The following ATPAF1 variants were observed in gnomAD, a reference collection of about 807,000 sequenced individuals.
ATPAF1 encodes the protein ATP synthase mitochondrial F1 complex assembly factor 1.
In ATPAF1, 26 loss-of-function variants were observed where a neutral mutation model predicts 43.9. The ratio of observed to expected loss-of-function variants is 0.59; its 90% CI spans 0.43 to 0.82. ATPAF1 has a LOEUF of 0.82. Among genes scored for constraint, ATPAF1 ranks in the 40% least tolerant of loss-of-function variants. The pLI is 0.00. For missense variants in ATPAF1, 366 were observed against 435.0 expected (o/e 0.84, Z 1.41); for synonymous variants, 157 against 168.0 (o/e 0.93, Z 0.50).
rs191020514 is a variant in ATPAF1 at position 46,664,379 on chromosome 1, T to C, written c.375+877A>G. On this transcript the variant is annotated intron_variant, in intron 2 of 8. Coordinates refer to ENST00000574428, the Ensembl canonical transcript of ATPAF1. ...AAACTGAGGCATGGAGAAGTAACAA[T>C]TTGCTCAGAGTCACCCAGCTAGTAA... Among the ~76,000 whole-genome samples, 5 of 152,342 alleles carry C rather than the reference T, an allele frequency of 3.3e-5. No homozygotes were observed. The East Asian group carries it at 9.6e-4, about 29-fold the overall frequency.
chr1:46,650,363 GAAA>G (rs60817653), intron 6 of ATPAF1, among the ~76,000 whole-genome samples: 1 of 139,136 alleles, frequency 7.2e-6, no homozygotes, highest in African/African-American at 2.6e-5. Flanking sequence ...ATCTCTAAAT[GAAA>G]AAAAAAAAAA....
At position 46,643,174 on chromosome 1, in the gene ATPAF1, T is replaced by G; in HGVS notation, c.792+20A>C. On this transcript the variant is annotated intron_variant, in intron 8 of 8. Transcript: ENST00000574428. ...AGTGCCATGAGGTAAATCCAAAGAG[T>G]TTTGCAAGTTAATTCTTACCAGAAA... is the stretch of plus-strand genomic sequence containing the variant. The G allele has an allele frequency of 2.5e-6, 4 of 1,590,228 alleles. No homozygotes were observed. The highest frequency in any genetic ancestry group is 1.7e-6 in the Non-Finnish European group (2 of 1,159,816).
intron 3 of ATPAF1, 37 bp from the exon 4 acceptor site, chr1:46,658,226 TAAA>T (rs3214697): frequency 0.036 from 41,030 of 1,144,842 alleles, 2,199 homozygotes; most frequent in East Asian, 0.35. Flanking sequence ...AACACATAAT[TAAA>T]AAAAAAAAAA....
chr1:46,652,837 G>GACTAGGT (rs1423322051), intron 5 of ATPAF1, among the ~76,000 whole-genome samples: 1 of 152,124 alleles, frequency 6.6e-6, no homozygotes, highest in African/African-American at 2.4e-5. Context: ...TATGTGTAAA[G>GACTAGGT]ACTAGGTGCA....
chr1:46,663,628 T>G lies in ATPAF1; in HGVS notation c.375+1628A>C, dbSNP rs541178958. On this transcript the variant is annotated intron_variant, in intron 2 of 8. Coordinates refer to ENST00000574428, the Ensembl canonical transcript of ATPAF1. Reference sequence around the variant, plus strand: ...ATCCTTTGTCCACTTTTTGATGGGGTTTTTTTTTTCTTGTAAATTTGTTTG... The same window carrying G: ...ATCCTTTGTCCACTTTTTGATGGGGGTTTTTTTTTCTTGTAAATTTGTTTG... 3.6e-5 allele frequency among the ~76,000 whole-genome samples: 3 copies of G among 82,234 alleles called. No individual in the cohort carries two copies. The East Asian group carries it at 1.5e-3, about 42-fold the overall frequency. 53.9% of individuals were successfully genotyped at this position (82,234 alleles called of 152,430 possible). A position where few individuals can be genotyped will look rare whatever the true frequency, so the allele number is the denominator to read the frequency against.
chr1:46,641,740 T>C (rs992838291), intron 8 of ATPAF1, among the ~76,000 whole-genome samples: 2 of 152,222 alleles, frequency 1.3e-5, no homozygotes, highest in African/African-American at 4.8e-5. Flanking sequence ...CAGGGCATTC[T>C]ACCATCTTAA....
In ATPAF1 at chr1:46,668,274, G is replaced by A. The variant is rs1676529055; in HGVS notation, c.49C>T (p.Leu17=). The stretch of plus-strand genomic sequence containing the variant: ...CCCCGGTAGAGACCGGCCACCTGCA[G>A]GACCGCCGGTCCCGCGCCACCCGCA... The change falls in exon 1 of 9, where the codon CTG becomes TTG. Residue 17 remains leucine, a synonymous_variant. Transcript: ENST00000574428. This position sits in a 1 kb window ranked among gnomAD's most constrained non-coding sequence, Gnocchi z 4.4. The A allele has an allele frequency of 1.4e-6, 2 of 1,385,362 alleles. No individual in the cohort carries two copies. The highest frequency in any genetic ancestry group is 2.7e-5 in the Admixed American group (1 of 37,380). 85.8% of individuals were successfully genotyped at this position (1,385,362 alleles called of 1,614,324 possible).
chr1:46,652,496 C>T (rs2289447), intron 6 of ATPAF1, 85 bp downstream of exon 6: 297,709 of 1,303,062 alleles, frequency 0.23, 38,026 homozygotes, highest in Middle Eastern at 0.29. Flanking sequence ...ACATGTGAGA[C>T]AGTATGGAAT....
intron 8 of ATPAF1, among the ~76,000 whole-genome samples, chr1:46,639,253 A>C (rs1675902682): frequency 9.3e-6 from 1 of 107,618 alleles, no homozygotes; most frequent in African/African-American, 3.0e-5. Context: ...CACACACACA[A>C]GTGATACCAA....
At chr1:46,647,892 C>G (rs1418543512) in intron 6 of ATPAF1, among the ~76,000 whole-genome samples, 4 of 152,160 alleles carry the variant, frequency 2.6e-5, no homozygotes, top group Non-Finnish European at 5.9e-5. Flanking sequence ...CCCATTATGA[C>G]TAATGCTGTC....
At chr1:46,646,008 C>T (rs984565144) in intron 6 of ATPAF1, among the ~76,000 whole-genome samples, 1 of 152,026 alleles carries the variant, frequency 6.6e-6, no homozygotes, top group African/African-American at 2.4e-5. Context: ...GACCCCGTCA[C>T]TACAAAAAAA....
At chr1:46,660,455 A>C (rs1292521229) in intron 2 of ATPAF1, among the ~76,000 whole-genome samples, 7 of 152,220 alleles carry the variant, frequency 4.6e-5, no homozygotes. Context: ...TAGAAATAAA[A>C]AATTTAAGCC....
chr1:46,665,277 A>T lies in ATPAF1; in HGVS notation c.354T>A (p.Phe118Leu), dbSNP rs748966060. Residue 118 changes from phenylalanine (F) to leucine (L), a missense_variant, in exon 2 of 9, where the codon TTT (phenylalanine) becomes TTA (leucine). This residue lies in a region of ATPAF1 where 180 missense variants were observed against 266.5 expected (regional missense o/e 0.68). Transcript: ENST00000574428. The stretch of plus-strand genomic sequence containing the variant: ...TTACCTTCTGTTCCACACATTTGAT[A>T]AAATCACCTTGCCTGGAATGCCCCA... 34 of 1,614,292 alleles carry T rather than the reference A, an allele frequency of 2.1e-5. 1 individual carries two copies. The Admixed American group carries it at 5.7e-4, about 27-fold the overall frequency.
chr1:46,633,859 C>T (rs758303415), downstream of ATPAF1: 3 of 455,786 alleles, frequency 6.6e-6, no homozygotes, highest in South Asian at 4.7e-5. Context: ...AACTGGATAC[C>T]AATAAAAACA....
At chr1:46,663,976 G>A in intron 2 of ATPAF1, 1 of 1,088,316 alleles carries the variant, frequency 9.2e-7, no homozygotes, top group South Asian at 1.4e-5. Context: ...AGTGGATTGT[G>A]ATCAGAGTTT....
At chr1:46,655,050 A>C (rs948512974) in intron 4 of ATPAF1, among the ~76,000 whole-genome samples, 1 of 152,158 alleles carries the variant, frequency 6.6e-6, no homozygotes, top group Admixed American at 6.5e-5. Flanking sequence ...CCTTCTTCAC[A>C]TGGTGACAGG....
At chr1:46,655,806 TAC>T (rs1377416309) in intron 4 of ATPAF1, among the ~76,000 whole-genome samples, 2 of 152,216 alleles carry the variant, frequency 1.3e-5, no homozygotes, top group African/African-American at 4.8e-5. Flanking sequence ...CCCTTGATAT[TAC>T]AGTCAGAAGT....
downstream of ATPAF1, chr1:46,633,604 C>A: frequency 2.5e-6 from 1 of 407,642 alleles, no homozygotes; most frequent in Non-Finnish European, 4.7e-6. Flanking sequence ...GAGTTCTTTG[C>A]CAGATCTTTC....
At chr1:46,641,686 G>A (rs1247354767) in intron 8 of ATPAF1, among the ~76,000 whole-genome samples, 1 of 152,166 alleles carries the variant, frequency 6.6e-6, no homozygotes, top group Non-Finnish European at 1.5e-5. Context: ...GAGATTTGGT[G>A]AGTTGAGCAG....
Sources: allele counts gnomAD v4.1 joint callset (sites outside exome capture counted in the v4.1 genomes callset), GRCh38; gene constraint gnomAD v4.1.1; regional missense constraint gnomAD v4.1.1; non-coding constraint Gnocchi (gnomAD v3.1); transcripts MANE v1.5; gene names NCBI Gene and HGNC (gene_info 2026-07-23, HGNC 2026-07-21).